The following MAP4 variants were observed in gnomAD, a reference collection of about 807,000 sequenced individuals.
MAP4 encodes the protein microtubule-associated protein 4.
Under a neutral mutation model 170.2 loss-of-function variants are expected in MAP4, and 76 were observed. That is an observed-to-expected ratio of 0.45 (90% confidence interval 0.37 to 0.54). The LOEUF is 0.54. MAP4 is among the 20% of genes least tolerant of loss of function. MAP4 has a pLI of 0.00. For synonymous variants in MAP4, 909 were observed against 994.5 expected, an observed-to-expected ratio of 0.91 and a Z score of 1.62; for missense variants, 2,506 against 2,748.0, an observed-to-expected ratio of 0.91 and a Z score of 1.97.
At chr3:48,049,906 C>A (rs545093766) in intron 1 of MAP4, among the ~76,000 whole-genome samples, 1 of 151,828 alleles carries the variant, frequency 6.6e-6, no homozygotes, top group African/African-American at 2.4e-5. Context: ...CCACTGCACT[C>A]CAGCTTGGGC....
intron 1 of MAP4, among the ~76,000 whole-genome samples, chr3:48,033,682 C>T (rs536278973): frequency 6.6e-5 from 10 of 152,234 alleles, no homozygotes; most frequent in South Asian, 2.1e-4. Flanking sequence ...CTCACTGCAA[C>T]CTCCGCCTCC....
chr3:47,966,696 T>C (rs2100075285), intron 3 of MAP4, among the ~76,000 whole-genome samples: 1 of 152,160 alleles, frequency 6.6e-6, no homozygotes, highest in African/African-American at 2.4e-5. Flanking sequence ...AACTTTTTTA[T>C]GTGGATATCC....
At chr3:48,059,675 C>T (rs2100134137) in intron 1 of MAP4, among the ~76,000 whole-genome samples, 1 of 151,658 alleles carries the variant, frequency 6.6e-6, no homozygotes, top group African/African-American at 2.4e-5. Flanking sequence ...TGGCTCACAC[C>T]TGTAATCCTA....
chr3:48,024,377 G>C (rs1055997826), intron 1 of MAP4, among the ~76,000 whole-genome samples: 2 of 152,046 alleles, frequency 1.3e-5, no homozygotes, highest in African/African-American at 4.8e-5. Context: ...CAAAGATGGG[G>C]ATTCTGTTTC....
chr3:48,048,463 G>A (rs1046354898), intron 1 of MAP4, among the ~76,000 whole-genome samples: 29 of 149,460 alleles, frequency 1.9e-4, no homozygotes, highest in Non-Finnish European at 4.4e-5. Context: ...TACTGTGCAA[G>A]GAACACACAC....
intron 4 of MAP4, among the ~76,000 whole-genome samples, chr3:47,925,516 T>C (rs556395025): frequency 6.6e-5 from 10 of 152,232 alleles, no homozygotes; most frequent in African/African-American, 1.4e-4. Context: ...GAACAAAATA[T>C]GGTATAGCCA....
At position 47,910,571 on chromosome 3, in the gene MAP4, C is replaced by T. The variant is rs765998823; in HGVS notation, c.3850G>A (p.Val1284Ile). ...HTPDTPTVEA[V>I]DRKGGNFQVN... The stretch of plus-strand genomic sequence containing the variant: ...TGAAAATTTCCACCCTTCCTGTCAA[C>T]TGCTTCCACTGTGGGTGTATCTGGT... The change falls in exon 9 of 21, where the codon GTT (valine) becomes ATT (isoleucine). Residue 1284 changes from valine (V) to isoleucine (I), a missense_variant. By Grantham distance (29) the Val-to-Ile change is conservative (BLOSUM62 3). Coordinates refer to ENST00000683076, the MANE Select transcript of MAP4 (RefSeq NM_001385682.1). 2.7e-5 allele frequency: 41 copies of T among 1,536,008 alleles called. No individual in the cohort carries two copies. In the South Asian group the frequency reaches 4.4e-4, roughly 16 times the overall value.
intron 10 of MAP4, chr3:47,891,705 A>G: frequency 6.5e-7 from 1 of 1,536,534 alleles, no homozygotes; most frequent in Non-Finnish European, 8.7e-7. Context: ...CTTGCATTCA[A>G]ATGTTCCTGG....
intron 1 of MAP4, among the ~76,000 whole-genome samples, chr3:48,071,624 C>T (rs1326407298): frequency 1.3e-5 from 2 of 152,132 alleles, no homozygotes; most frequent in African/African-American, 4.8e-5. Flanking sequence ...ATAAATACTT[C>T]TAAATTCATG....
chr3:47,879,491 T>C (rs921080133), intron 10 of MAP4, among the ~76,000 whole-genome samples: 4 of 152,188 alleles, frequency 2.6e-5, no homozygotes, highest in Admixed American at 6.5e-5. Flanking sequence ...AAGGTCCCTG[T>C]GTACCCTTTT....
At chr3:48,005,734 A>G (rs2100101952) in intron 1 of MAP4, among the ~76,000 whole-genome samples, 1 of 152,200 alleles carries the variant, frequency 6.6e-6, no homozygotes, top group Admixed American at 6.5e-5. Flanking sequence ...GAGGGTCCAG[A>G]AGATATACCC....
chr3:47,914,592 G>A (rs529628897), intron 8 of MAP4, among the ~76,000 whole-genome samples: 26 of 151,050 alleles, frequency 1.7e-4, no homozygotes, highest in African/African-American at 5.8e-4. Flanking sequence ...AAAAACAGTG[G>A]AGAAAAAAAA....
chr3:47,922,839 G>C (rs2100043712), intron 4 of MAP4, among the ~76,000 whole-genome samples: 1 of 152,166 alleles, frequency 6.6e-6, no homozygotes, highest in Admixed American at 6.5e-5. Context: ...CACGAGGTCT[G>C]GAGATTGAGA....
rs547775224 is a variant in MAP4 at position 47,907,414 on chromosome 3, T to TA, written c.5383+1623dup. The stretch of plus-strand genomic sequence containing the variant: ...GTATTAACCTATTCGACAATTAGTT[T>TA]AAAAATTTTTTTTTAACTATTAAAA... On this transcript the variant is annotated intron_variant, in intron 9 of 20. Transcript: ENST00000683076. Among the ~76,000 whole-genome samples, 522 of 152,318 alleles carry TA rather than the reference T, an allele frequency of 3.4e-3. 3 individuals are homozygous for TA. The highest frequency in any genetic ancestry group is 0.01 in the Middle Eastern group (3 of 294).
At chr3:48,075,974 C>CAAAAAAAAAAAAAA (rs60556044) in intron 1 of MAP4, among the ~76,000 whole-genome samples, 2 of 47,570 alleles carry the variant, frequency 4.2e-5, no homozygotes, top group Non-Finnish European at 8.5e-5. Context: ...AACTCCATCT[C>CAAAAAAAAAAAAAA]AAAAAAAAAA....
At chr3:47,961,487 A>G (rs115410520) in intron 3 of MAP4, among the ~76,000 whole-genome samples, 6,726 of 152,244 alleles carry the variant, frequency 0.044, 502 homozygotes, top group African/African-American at 0.15. Context: ...TAAGAGTTTC[A>G]TTGTTATATG....
chr3:48,012,863 G>T (rs1178079591), intron 1 of MAP4, among the ~76,000 whole-genome samples: 1 of 151,996 alleles, frequency 6.6e-6, no homozygotes, highest in Non-Finnish European at 1.5e-5. Flanking sequence ...TTCTTTACTT[G>T]TCACCACATA....
At chr3:48,084,813 T>A (rs200039535) in intron 1 of MAP4, among the ~76,000 whole-genome samples, 151 of 11,034 alleles carry the variant, frequency 0.014, no homozygotes, top group South Asian at 0.015. Context: ...GTTGTTTTTG[T>A]TTTTTTTTTA....
chr3:47,865,817 C>A (rs1424613644), intron 17 of MAP4, among the ~76,000 whole-genome samples: 3 of 152,184 alleles, frequency 2.0e-5, no homozygotes, highest in Non-Finnish European at 4.4e-5. Context: ...GGCACAACTC[C>A]ACAGAGTACC....
Sources: gnomAD v4.1 joint callset for allele counts (sites outside exome capture counted in the v4.1 genomes callset) on GRCh38, gnomAD v4.1.1 for gene constraint, MANE v1.5 for transcripts, NCBI Gene and HGNC (gene_info 2026-07-23, HGNC 2026-07-21) for gene names.